The following GALNTL6 variants were observed in gnomAD, a reference collection of about 807,000 sequenced individuals.
GALNTL6 encodes polypeptide N-acetylgalactosaminyltransferase-like 6.
A neutral mutation model predicts 73.7 loss-of-function variants in GALNTL6; 46 were observed. That is an observed-to-expected ratio of 0.62 (90% CI 0.49 to 0.80). The LOEUF (loss-of-function observed/expected upper bound fraction) is 0.80, where lower values mean the gene tolerates loss of function less well. Ranked by LOEUF, GALNTL6 falls within the 30% of genes least tolerant of loss-of-function variation. The pLI is 0.00. For missense variants in GALNTL6, 604 were observed against 755.0 expected, an observed-to-expected ratio of 0.80 and a Z score of 2.34; for synonymous variants, 259 against 263.7, an observed-to-expected ratio of 0.98 and a Z score of 0.17.
intron 5 of GALNTL6, among the ~76,000 whole-genome samples, chr4:172,679,386 G>A (rs1732497366): frequency 6.6e-6 from 1 of 151,338 alleles, no homozygotes; most frequent in Non-Finnish European, 1.5e-5. Flanking sequence ...ACTCCAGCCT[G>A]GGCAATAAGA....
intron 5 of GALNTL6, among the ~76,000 whole-genome samples, chr4:172,803,640 G>A (rs988506992): frequency 6.6e-6 from 1 of 152,204 alleles, no homozygotes; most frequent in African/African-American, 2.4e-5. Context: ...GATGTTATAA[G>A]CCTGTAATGG....
intron 12 of GALNTL6, among the ~76,000 whole-genome samples, chr4:173,027,135 C>T (rs980562776): frequency 2.0e-5 from 3 of 152,264 alleles, no homozygotes; most frequent in East Asian, 3.9e-4. Context: ...ATTACAGGCA[C>T]ATGCCACCCA....
chr4:172,680,472 G>T (rs1345321239), intron 5 of GALNTL6, among the ~76,000 whole-genome samples: 2 of 152,164 alleles, frequency 1.3e-5, no homozygotes, highest in African/African-American at 4.8e-5. Context: ...CTGTGATGAA[G>T]GGGAAAATTC....
intron 5 of GALNTL6, among the ~76,000 whole-genome samples, chr4:172,750,270 G>GA (rs1390992605): frequency 6.6e-6 from 1 of 152,000 alleles, no homozygotes; most frequent in East Asian, 1.9e-4. Context: ...ATTTTTCAAG[G>GA]AAAAAATGTG....
chr4:171,815,382 G>A (rs532738803), intron 2 of GALNTL6: 3 of 152,512 alleles, frequency 2.0e-5, no homozygotes, highest in Middle Eastern at 3.4e-3. Context: ...CTAAAGATAT[G>A]TAGTATAATA....
At chr4:172,412,993 C>A (rs998442159) in intron 5 of GALNTL6, among the ~76,000 whole-genome samples, 1 of 152,148 alleles carries the variant, frequency 6.6e-6, no homozygotes. Flanking sequence ...AGCAGCAGTG[C>A]CTGTCATTTC....
intron 5 of GALNTL6, among the ~76,000 whole-genome samples, chr4:172,770,050 G>A (rs1288191121): frequency 6.6e-6 from 1 of 152,086 alleles, no homozygotes; most frequent in Admixed American, 6.6e-5. Flanking sequence ...GGTCACCTGA[G>A]GTCAGGAGTT....
chr4:172,753,422 T>A (rs544045837), intron 5 of GALNTL6, among the ~76,000 whole-genome samples: 24 of 152,330 alleles, frequency 1.6e-4, no homozygotes, highest in African/African-American at 5.8e-4. Flanking sequence ...AATATTTAGG[T>A]TATTTTGAAT....
chr4:172,134,705 G>T (rs1348938262), intron 2 of GALNTL6, among the ~76,000 whole-genome samples: 1 of 152,194 alleles, frequency 6.6e-6, no homozygotes, highest in African/African-American at 2.4e-5. Context: ...TTAGTCAAGA[G>T]AGACTAACGG....
chr4:172,212,569 G>A (rs755728116), intron 2 of GALNTL6, among the ~76,000 whole-genome samples: 1 of 152,024 alleles, frequency 6.6e-6, no homozygotes, highest in Non-Finnish European at 1.5e-5. Context: ...AGTATAATAT[G>A]GAATAGTTTC....
At chr4:173,032,450 C>CA (rs1394068256) in intron 12 of GALNTL6, among the ~76,000 whole-genome samples, 5,077 of 87,310 alleles carry the variant, frequency 0.058, 245 homozygotes, top group African/African-American at 0.16. Context: ...GACTCCGTCT[C>CA]AAAAAAAAAA....
chr4:172,162,303 T>C (rs3886930), intron 2 of GALNTL6, among the ~76,000 whole-genome samples: 62,462 of 151,196 alleles, frequency 0.41, 13,480 homozygotes, highest in African/African-American at 0.52. Context: ...GACTGATTGC[T>C]TAAAGGGAAA....
intron 2 of GALNTL6, among the ~76,000 whole-genome samples, chr4:171,832,609 TATAAA>T (rs1291819643): frequency 1.3e-5 from 2 of 151,622 alleles, no homozygotes; most frequent in African/African-American, 2.4e-5. Flanking sequence ...AAAATAAGAA[TATAAA>T]ATAAAATAAA....
chr4:172,580,403 A>G (rs1196990256), intron 5 of GALNTL6, among the ~76,000 whole-genome samples: 2 of 152,260 alleles, frequency 1.3e-5, no homozygotes, highest in African/African-American at 4.8e-5. Flanking sequence ...AAAAATCAAC[A>G]AATTGAAAAT....
chr4:172,362,162 C>G (rs893973928), intron 5 of GALNTL6, among the ~76,000 whole-genome samples: 1 of 152,026 alleles, frequency 6.6e-6, no homozygotes, highest in African/African-American at 2.4e-5. Context: ...TAAGAACCTC[C>G]TTTTATACCT....
intron 2 of GALNTL6, among the ~76,000 whole-genome samples, chr4:171,987,115 G>A (rs1740120854): frequency 6.6e-6 from 1 of 152,184 alleles, no homozygotes; most frequent in Admixed American, 6.5e-5. Flanking sequence ...CTATACAGGA[G>A]CTCAAATGGG....
At chr4:172,221,741 T>C (rs555091435) in intron 2 of GALNTL6, among the ~76,000 whole-genome samples, 1 of 151,900 alleles carries the variant, frequency 6.6e-6, no homozygotes, top group East Asian at 1.9e-4. Flanking sequence ...AGGTTTCTGT[T>C]GTGATGGAAA....
intron 2 of GALNTL6, among the ~76,000 whole-genome samples, chr4:172,031,211 A>T (rs55834422): frequency 0.026 from 3,077 of 120,480 alleles, 91 homozygotes; most frequent in African/African-American, 0.082. Flanking sequence ...GGGGGAGAGG[A>T]TCCACAGGTA....
intron 7 of GALNTL6, among the ~76,000 whole-genome samples, chr4:172,825,054 TTC>T (rs1362557806): frequency 0.011 from 745 of 70,684 alleles, 16 homozygotes; most frequent in African/African-American, 0.027. Context: ...CAATTCTTTT[TTC>T]TTTTTTTTTT....
Sources: gnomAD v4.1 joint callset for allele counts (sites outside exome capture counted in the v4.1 genomes callset) on GRCh38, gnomAD v4.1.1 for gene constraint, MANE v1.5 for transcripts, NCBI Gene and HGNC (gene_info 2026-07-23, HGNC 2026-07-21) for gene names.